The following DOCK2 variants were observed in gnomAD, a reference collection of about 807,000 sequenced individuals.
DOCK2 encodes dedicator of cytokinesis 2, also known as dedicator of cytokinesis protein 2.
Under a neutral mutation model 248.9 loss-of-function variants are expected in DOCK2, and 87 were observed. The observed-to-expected ratio is 0.35, with a 90% CI of 0.29 to 0.42. The LOEUF is 0.42. Ranked by LOEUF, DOCK2 falls within the 10% of genes least tolerant of loss-of-function variation. The probability of loss-of-function intolerance (pLI) is 1.00; values close to 1 mark genes in which losing one functional copy is unlikely to be tolerated. For missense variants in DOCK2, 1,747 were observed against 2,300.2 expected, an observed-to-expected ratio of 0.76 and a Z score of 4.92; for synonymous variants, 805 against 821.6, an observed-to-expected ratio of 0.98 and a Z score of 0.35.
intron 22 of DOCK2, among the ~76,000 whole-genome samples, chr5:169,723,110 C>T (rs1431165918): frequency 6.6e-6 from 1 of 152,206 alleles, no homozygotes; most frequent in African/African-American, 2.4e-5. Flanking sequence ...TGCATCCTGC[C>T]TTCTGCTCTT....
intron 26 of DOCK2, among the ~76,000 whole-genome samples, chr5:169,829,428 T>A (rs1333216548): frequency 2.0e-5 from 3 of 152,214 alleles, no homozygotes; most frequent in Non-Finnish European, 4.4e-5. Flanking sequence ...TGAAGATGAA[T>A]GAGTGTACAA....
chr5:170,058,401 C>G lies in DOCK2; in HGVS notation c.4467+735C>G, dbSNP rs533937295. The stretch of plus-strand genomic sequence containing the variant: ...TAGTGGGAAAGACGGACTAAAAAGT[C>G]AAAGTAAATATATGACAGGTGATAA... On this transcript the variant is annotated intron_variant, in intron 44 of 51. Coordinates refer to ENST00000520908, the MANE Select transcript of DOCK2 (RefSeq NM_004946.3). Among the ~76,000 whole-genome samples the G allele has an allele frequency of 4.1e-4, 62 of 152,118 alleles. No individual in the cohort carries two copies. In the South Asian group the frequency reaches 0.012, roughly 30 times the overall value.
chr5:169,697,524 G>A (rs1240538307), intron 10 of DOCK2, among the ~76,000 whole-genome samples: 1 of 152,170 alleles, frequency 6.6e-6, no homozygotes, highest in Non-Finnish European at 1.5e-5. Context: ...CAGGTCCTAT[G>A]AATAACTTTG....
intron 12 of DOCK2, 147 bp from the exon 13 acceptor site, chr5:169,699,867 G>A: frequency 8.7e-7 from 1 of 1,149,962 alleles, no homozygotes; most frequent in Non-Finnish European, 1.2e-6. Flanking sequence ...CTGTTCCAGA[G>A]GCCCTGTGGG....
chr5:169,736,213 T>A (rs912431591), intron 22 of DOCK2, among the ~76,000 whole-genome samples: 3 of 152,076 alleles, frequency 2.0e-5, no homozygotes, highest in Non-Finnish European at 2.9e-5. Context: ...AGTCCATGAT[T>A]TTTGAGTTTT....
intron 6 of DOCK2, among the ~76,000 whole-genome samples, chr5:169,681,113 CTTTTTT>C (rs764614478): frequency 2.1e-5 from 2 of 94,198 alleles, no homozygotes; most frequent in African/African-American, 3.9e-5. Flanking sequence ...TTTAGTAGAC[CTTTTTT>C]TTTTTTTTTT....
chr5:169,784,604 A>G (rs977765772), intron 25 of DOCK2, among the ~76,000 whole-genome samples: 1 of 152,194 alleles, frequency 6.6e-6, no homozygotes, highest in African/African-American at 2.4e-5. Flanking sequence ...AATCTTTCTG[A>G]TTATGTCAAC....
chr5:169,934,709 G>C (rs1290671703), intron 27 of DOCK2: 1 of 456,270 alleles, frequency 2.2e-6, no homozygotes, highest in South Asian at 1.5e-5. Context: ...AAATGTGATA[G>C]TATCTGCCAA....
chr5:169,676,907 A>G (rs1036367361), intron 6 of DOCK2, among the ~76,000 whole-genome samples: 4 of 152,190 alleles, frequency 2.6e-5, no homozygotes, highest in African/African-American at 4.8e-5. Flanking sequence ...AAAGCAAGCA[A>G]TGAGAACCAG....
intron 27 of DOCK2, among the ~76,000 whole-genome samples, chr5:169,904,115 T>G (rs1488737411): frequency 7.5e-6 from 1 of 133,502 alleles, no homozygotes; most frequent in Non-Finnish European, 1.6e-5. Flanking sequence ...AAAAAAAAGT[T>G]TAGGGGAGGA....
At chr5:170,068,994 C>T (rs1376590235) in intron 45 of DOCK2, 143 bp from the exon 46 acceptor site, 3 of 686,762 alleles carry the variant, frequency 4.4e-6, no homozygotes, top group South Asian at 3.6e-5. Flanking sequence ...TCAGTCTCTC[C>T]AGACCTGTTA....
At chr5:169,760,267 C>T (rs1764412230) in intron 24 of DOCK2, among the ~76,000 whole-genome samples, 1 of 138,272 alleles carries the variant, frequency 7.2e-6, no homozygotes, top group African/African-American at 2.4e-5. Context: ...ATCAGATATA[C>T]CTTCTTCTTT....
At chr5:170,066,744 G>A (rs903369959) in intron 44 of DOCK2, among the ~76,000 whole-genome samples, 25 of 152,054 alleles carry the variant, frequency 1.6e-4, no homozygotes, top group Admixed American at 1.2e-3. Context: ...AATTCTACCC[G>A]TCACCTATTT....
At chr5:170,066,045 G>A (rs1757483459) in intron 44 of DOCK2, among the ~76,000 whole-genome samples, 1 of 148,462 alleles carries the variant, frequency 6.7e-6, no homozygotes, top group Admixed American at 6.8e-5. Context: ...TCCGCCTCCT[G>A]GGCTCATGCC....
intron 27 of DOCK2, among the ~76,000 whole-genome samples, chr5:169,972,646 C>G (rs1487313117): frequency 6.6e-6 from 1 of 150,392 alleles, no homozygotes; most frequent in African/African-American, 2.4e-5. Context: ...TGGATAAAAT[C>G]TCCCCTGTTA....
chr5:169,654,264 A>G (rs906813719), intron 1 of DOCK2, 139 bp from the exon 2 acceptor site: 4 of 836,686 alleles, frequency 4.8e-6, no homozygotes, highest in South Asian at 1.7e-5. Flanking sequence ...GTGGCAGGCA[A>G]TAGGTTTCTG....
intron 5 of DOCK2, among the ~76,000 whole-genome samples, chr5:169,673,989 A>G (rs963691717): frequency 6.6e-6 from 1 of 152,226 alleles, no homozygotes; most frequent in African/African-American, 2.4e-5. Context: ...TGGGACCTCC[A>G]TTAGGGCAGA....
chr5:169,854,791 G>A (rs1770802916), intron 27 of DOCK2, among the ~76,000 whole-genome samples: 1 of 152,196 alleles, frequency 6.6e-6, no homozygotes, highest in Non-Finnish European at 1.5e-5. Context: ...CCCAGAGATG[G>A]AAATGACAAT....
chr5:170,042,665 G>A (rs1267455078), intron 38 of DOCK2, among the ~76,000 whole-genome samples: 1 of 152,166 alleles, frequency 6.6e-6, no homozygotes, highest in Non-Finnish European at 1.5e-5. Context: ...GCTGCCCACT[G>A]GAACGCTGGG....
Sources: allele counts gnomAD v4.1 joint callset (sites outside exome capture counted in the v4.1 genomes callset), GRCh38; gene constraint gnomAD v4.1.1; transcripts MANE v1.5; gene names NCBI Gene and HGNC (gene_info 2026-07-23, HGNC 2026-07-21).